Variants in TOR1AIP2 observed in about 807,000 individuals in gnomAD.
The protein encoded by TOR1AIP2 is torsin-1A-interacting protein 2.
A neutral mutation model predicts 32.6 loss-of-function variants in TOR1AIP2; 20 were observed. That is an observed-to-expected ratio of 0.61 (90% confidence interval 0.43 to 0.89). TOR1AIP2 has a LOEUF of 0.89. Ranked by LOEUF, TOR1AIP2 falls within the 40% of genes least tolerant of loss-of-function variation. The pLI is 0.00. For missense variants in TOR1AIP2, 456 were observed against 553.8 expected, an observed-to-expected ratio of 0.82 and a Z score of 1.77; for synonymous variants, 214 against 210.8, an observed-to-expected ratio of 1.02 and a Z score of -0.13.
chr1:179,870,509 T>C (rs903339370), intron 2 of TOR1AIP2, among the ~76,000 whole-genome samples: 2 of 152,202 alleles, frequency 1.3e-5, no homozygotes. Flanking sequence ...CATTAGGCAC[T>C]ATGGTTCCTA....
intron 3 of TOR1AIP2, 124 bp from the exon 4 acceptor site, chr1:179,852,935 G>A: frequency 1.6e-6 from 1 of 610,956 alleles, no homozygotes; most frequent in Non-Finnish European, 2.2e-6. Context: ...CTTTTTTCGT[G>A]AAGAAAATTT....
chr1:179,867,269 T>C (rs1696820336), intron 2 of TOR1AIP2, among the ~76,000 whole-genome samples: 1 of 152,190 alleles, frequency 6.6e-6, no homozygotes, highest in South Asian at 2.1e-4. Context: ...CTGATGTGTT[T>C]TCTGAGGTTA....
intron 3 of TOR1AIP2, chr1:179,862,384 AG>A (rs1696576911): frequency 1.0e-6 from 1 of 985,390 alleles, no homozygotes; most frequent in Non-Finnish European, 1.2e-6. Context: ...GAGGAGTTGT[AG>A]GATAGTGAAA....
intron 2 of TOR1AIP2, chr1:179,869,123 T>C (rs1696916303): frequency 6.6e-6 from 1 of 152,384 alleles, no homozygotes; most frequent in South Asian, 2.1e-4. Flanking sequence ...ATTATAGGCA[T>C]GAGCCACCAC....
chr1:179,863,217 C>CTT (rs1696621658), intron 3 of TOR1AIP2: 2 of 853,942 alleles, frequency 2.3e-6, no homozygotes, highest in South Asian at 1.1e-4. Flanking sequence ...GAGTGAGACT[C>CTT]TGTCTCAAAA....
At chr1:179,853,001 TTAA>T (rs1351506720) in intron 3 of TOR1AIP2, among the ~76,000 whole-genome samples, 190 bp from the exon 4 acceptor site, 1 of 152,138 alleles carries the variant, frequency 6.6e-6, no homozygotes, top group East Asian at 1.9e-4. Context: ...CTCCAGATTA[TTAA>T]TCTTTCATGA....
chr1:179,874,754 T>A (rs1697130864), intron 2 of TOR1AIP2: 2 of 152,028 alleles, frequency 1.3e-5, no homozygotes, highest in Non-Finnish European at 2.9e-5. Context: ...GAGAGAGAGA[T>A]CCTATCTCAA....
At chr1:179,849,776 C>T (rs1219233292) in intron 5 of TOR1AIP2, among the ~76,000 whole-genome samples, 1 of 152,178 alleles carries the variant, frequency 6.6e-6, no homozygotes, top group African/African-American at 2.4e-5. Context: ...GAAATTCTGA[C>T]GCAGGTCATG....
Position 179,840,266 on chromosome 1 carries a change from G to C in TOR1AIP2, c.*5805C>G, listed in dbSNP as rs1048783858. ...GAGCAACTGCCTGGAGCTTTGTGTT[G>C]ATGCGTCCTCAGGCCTAGAAGGAAC... On this transcript the variant is annotated 3_prime_UTR_variant, in exon 7 of 7. Transcript: ENST00000609928. The C allele has an allele frequency of 1.3e-4, 20 of 152,212 alleles. No homozygotes were observed. Among genetic ancestry groups the C allele is most frequent in the African/African-American group, 4.8e-4 (20 of 41,444 alleles). The allele number at this position is 152,212 out of a possible 1,614,324, so 9.4% of individuals were successfully genotyped here. A position where few individuals can be genotyped will look rare whatever the true frequency, so the allele number is the denominator to read the frequency against.
intron 2 of TOR1AIP2, among the ~76,000 whole-genome samples, chr1:179,869,753 T>C (rs1005639907): frequency 6.6e-6 from 1 of 152,200 alleles, no homozygotes; most frequent in Non-Finnish European, 1.5e-5. Context: ...TGAATTTCTG[T>C]GTAGGGAAGT....
chr1:179,868,722 G>GA (rs747790257), intron 2 of TOR1AIP2: 1 of 151,630 alleles, frequency 6.6e-6, no homozygotes, highest in Non-Finnish European at 1.5e-5. Flanking sequence ...TGAAACTCAA[G>GA]AATGTTGAGC....
rs904854823 is a variant in TOR1AIP2, at chr1:179,863,677, C to CAAAA, written c.-147+1755_-147+1758dup. 255 of 859,098 alleles carry CAAAA rather than the reference C, an allele frequency of 3.0e-4. 1 individual carries two copies. The highest frequency in any genetic ancestry group is 1.1e-3 in the African/African-American group (38 of 34,614). 53.2% of individuals were successfully genotyped at this position (859,098 alleles called of 1,614,324 possible). On this transcript the variant is annotated intron_variant, in intron 3 of 6. Transcript: ENST00000609928. ...GACTCTGTCACTATTTTTTAAAAAG[C>CAAAA]AAAAAAAAAAAAAAAAAAAAAGAGG... is the stretch of plus-strand genomic sequence containing the variant.
Position 179,872,600 on chromosome 1 carries a change from T to C in TOR1AIP2, c.-566+4639A>G, listed in dbSNP as rs1398989318. Among the ~76,000 whole-genome samples the C allele has an allele frequency of 2.6e-5, 4 of 152,210 alleles. 1 individual carries two copies. Among genetic ancestry groups the C allele is most frequent in the Non-Finnish European group, 5.9e-5 (4 of 68,036 alleles). Reference sequence around the variant, plus strand: ...AAAAGCACTCTACTTCCTTAGGGAATTGTTTTTTACACAGGAATTGAATGC... The same window carrying C: ...AAAAGCACTCTACTTCCTTAGGGAACTGTTTTTTACACAGGAATTGAATGC... On this transcript the variant is annotated intron_variant, in intron 2 of 6. Transcript: ENST00000609928.
rs144647907 is a variant in TOR1AIP2 at position 179,852,920 on chromosome 1, T to G, written c.-146-109A>C. On this transcript the variant is annotated intron_variant, in intron 3 of 6. Transcript: ENST00000609928. ...TGTAGCTTGAGTACTATTTCCTCTG[T>G]GAAACTTTTTTCGTGAAGAAAATTT... 367 of 822,580 alleles carry G rather than the reference T, an allele frequency of 4.5e-4. No individual in the cohort carries two copies. In the African/African-American group the frequency reaches 6.0e-3, roughly 13 times the overall value. 51.0% of individuals were successfully genotyped at this position (822,580 alleles called of 1,614,324 possible). A position where few individuals can be genotyped will look rare whatever the true frequency, so the allele number is the denominator to read the frequency against.
intron 3 of TOR1AIP2, chr1:179,862,745 T>C (rs1385780222): frequency 3.0e-6 from 2 of 662,454 alleles, no homozygotes; most frequent in Non-Finnish European, 3.7e-6. Flanking sequence ...CTGGCCAACA[T>C]GGTGAAACCC....
chr1:179,846,163 C>CTGAG lies in TOR1AIP2; in HGVS notation c.1317_1320dup (p.Asp441LeufsTer23). 6.2e-7 allele frequency: 1 copy of CTGAG among 1,614,220 alleles called. No homozygotes were observed. Among genetic ancestry groups the CTGAG allele is most frequent in the Non-Finnish European group, 8.5e-7 (1 of 1,180,042 alleles). ...CGGCTCCACAGCCCACTCAATTTGT[C>CTGAG]TGAGTCCATGTGGTTGAAGGAGGTG... is the stretch of plus-strand genomic sequence containing the variant. On this transcript the variant is annotated frameshift_variant, in exon 7 of 7. Transcript: ENST00000609928. LOFTEE classifies it high-confidence loss of function.
chr1:179,856,040 AG>A (rs1174411045), intron 3 of TOR1AIP2, among the ~76,000 whole-genome samples: 13 of 151,974 alleles, frequency 8.6e-5, no homozygotes, highest in African/African-American at 2.9e-4. Context: ...AAAACTAGCC[AG>A]GCGTGGTGGT....
At position 179,840,758 on chromosome 1, in the gene TOR1AIP2, G is replaced by T. The variant is rs1571641181; in HGVS notation, c.*5313C>A. The T allele has an allele frequency of 6.7e-6, 1 of 149,370 alleles. No individual in the cohort carries two copies. The highest frequency in any genetic ancestry group is 2.1e-4 in the South Asian group (1 of 4,710). 9.3% of individuals were successfully genotyped at this position (149,370 alleles called of 1,614,324 possible). On this transcript the variant is annotated 3_prime_UTR_variant, in exon 7 of 7. Coordinates refer to ENST00000609928, the MANE Select transcript of TOR1AIP2 (RefSeq NM_001199260.2). ...GGGGCCTGTCAGGGGGTGGGGGGCTGGGGGAGGGATAGCATTAGGAGAAAT... is the reference window on the plus strand; with the variant it reads ...GGGGCCTGTCAGGGGGTGGGGGGCTTGGGGAGGGATAGCATTAGGAGAAAT...
intron 3 of TOR1AIP2, chr1:179,860,855 G>A (rs576160605): frequency 9.1e-6 from 9 of 985,420 alleles, no homozygotes; most frequent in Admixed American, 6.1e-5. Context: ...AACGGGCTGC[G>A]GCTCATCTCA....
Sources: gnomAD v4.1 joint callset for allele counts (sites outside exome capture counted in the v4.1 genomes callset) on GRCh38, gnomAD v4.1.1 for gene constraint, MANE v1.5 for transcripts, NCBI Gene and HGNC (gene_info 2026-07-23, HGNC 2026-07-21) for gene names.